Variants in ACACA observed in about 807,000 individuals in gnomAD.
ACACA encodes acetyl-CoA carboxylase 1.
ACACA carries 103 observed loss-of-function variants against 296.1 expected under a neutral mutation model. The observed-to-expected ratio is 0.35, with a 90% CI of 0.30 to 0.41. ACACA has a LOEUF of 0.41. Ranked by LOEUF, ACACA falls within the 10% of genes least tolerant of loss-of-function variation. The pLI is 1.00. For synonymous variants in ACACA, 953 were observed against 1,038.6 expected (o/e 0.92, Z 1.58); for missense variants, 1,554 against 2,989.7 (o/e 0.52, Z 11.20).
intron 1 of ACACA, among the ~76,000 whole-genome samples, chr17:37,384,768 T>A (rs2050454628): frequency 6.6e-6 from 1 of 152,218 alleles, no homozygotes; most frequent in Non-Finnish European, 1.5e-5. Context: ...CTGATTAAAC[T>A]GGAATCGGGG....
intron 3 of ACACA, among the ~76,000 whole-genome samples, chr17:37,305,957 G>A (rs2083865782): frequency 6.9e-6 from 1 of 144,884 alleles, no homozygotes; most frequent in Non-Finnish European, 1.5e-5. Context: ...CGCCCGGGCT[G>A]GAGTGCAGTG....
chr17:37,166,041 G>A (rs781406071), intron 41 of ACACA, among the ~76,000 whole-genome samples: 3 of 152,134 alleles, frequency 2.0e-5, no homozygotes, highest in Admixed American at 6.5e-5. Flanking sequence ...CATCTTGAAC[G>A]ATTATAGCAT....
intron 38 of ACACA, 101 bp from the exon 39 acceptor site, chr17:37,188,581 G>C: frequency 7.9e-7 from 1 of 1,271,520 alleles, no homozygotes; most frequent in Non-Finnish European, 1.1e-6. Context: ...AAAAAAAAAA[G>C]AGGTTGGTTT....
At chr17:37,234,167 C>T (rs2079997995) in intron 25 of ACACA, among the ~76,000 whole-genome samples, 1 of 152,154 alleles carries the variant, frequency 6.6e-6, no homozygotes, top group African/African-American at 2.4e-5. Context: ...TGAAAAGGCA[C>T]TACAGTCCCC....
chr17:37,085,460 A>C lies in ACACA; in HGVS notation c.*1856T>G. 2.5e-6 allele frequency: 1 copy of C among 397,356 alleles called. No individual in the cohort carries two copies. Among genetic ancestry groups the C allele is most frequent in the Non-Finnish European group, 4.4e-6 (1 of 225,790 alleles). 24.6% of individuals were successfully genotyped at this position (397,356 alleles called of 1,614,324 possible). Reference sequence around the variant, plus strand: ...GCAGGACTTCATACCACTTGTAGATATGTGGGATTTGATTTATTGCAAAAA... The same window carrying C: ...GCAGGACTTCATACCACTTGTAGATCTGTGGGATTTGATTTATTGCAAAAA... On this transcript the variant is annotated 3_prime_UTR_variant, in exon 56 of 56. Coordinates refer to ENST00000616317, the MANE Select transcript of ACACA (RefSeq NM_198834.3).
At chr17:37,365,479 G>A (rs780830357) in intron 1 of ACACA, 35 of 985,282 alleles carry the variant, frequency 3.6e-5, no homozygotes, top group African/African-American at 5.2e-5. Context: ...CTGCTTATCC[G>A]TCTTCACGTT....
At chr17:37,255,198 G>T (rs908711144) in intron 14 of ACACA, among the ~76,000 whole-genome samples, 1 of 152,072 alleles carries the variant, frequency 6.6e-6, no homozygotes, top group Non-Finnish European at 1.5e-5. Flanking sequence ...TTCAACCAAC[G>T]TTTACTGAAT....
chr17:37,227,124 G>C (rs1276754455), intron 25 of ACACA, among the ~76,000 whole-genome samples: 1 of 151,960 alleles, frequency 6.6e-6, no homozygotes, highest in African/African-American at 2.4e-5. Context: ...TAGAATCCAT[G>C]GTTTATTCAG....
intron 1 of ACACA, among the ~76,000 whole-genome samples, chr17:37,372,544 A>G (rs1460735235): frequency 1.3e-5 from 2 of 152,082 alleles, no homozygotes; most frequent in Non-Finnish European, 2.9e-5. Context: ...AAGACAAGTG[A>G]CCTGTTCAAA....
At chr17:37,303,841 G>T (rs1056910975) in intron 3 of ACACA, among the ~76,000 whole-genome samples, 1 of 152,186 alleles carries the variant, frequency 6.6e-6, no homozygotes, top group African/African-American at 2.4e-5. Context: ...CTGGGCAACA[G>T]AGCGAGACTC....
At chr17:37,383,509 A>G (rs2050394338) in intron 1 of ACACA, among the ~76,000 whole-genome samples, 1 of 152,250 alleles carries the variant, frequency 6.6e-6, no homozygotes, top group Non-Finnish European at 1.5e-5. Flanking sequence ...ATCATCACTC[A>G]TGATACATTT....
At chr17:37,092,810 G>A (rs1354156885) in intron 54 of ACACA, among the ~76,000 whole-genome samples, 1 of 152,208 alleles carries the variant, frequency 6.6e-6, no homozygotes, top group Non-Finnish European at 1.5e-5. Context: ...AGCCTGATGG[G>A]TGTAGGGATG....
chr17:37,319,043 T>C (rs1452745832), intron 3 of ACACA, among the ~76,000 whole-genome samples: 6 of 152,206 alleles, frequency 3.9e-5, no homozygotes, highest in Admixed American at 2.6e-4. Flanking sequence ...TATTTTTCCT[T>C]CTGTTTCTCT....
chr17:37,301,325 A>G (rs1265570346), intron 3 of ACACA: 2 of 970,538 alleles, frequency 2.1e-6, no homozygotes, highest in Non-Finnish European at 2.4e-6. Context: ...ATTTCTCCAA[A>G]TTTAAAGCAT....
intron 1 of ACACA, among the ~76,000 whole-genome samples, chr17:37,391,224 C>T (rs550444117): frequency 1.3e-5 from 2 of 151,916 alleles, no homozygotes; most frequent in Non-Finnish European, 2.9e-5. Flanking sequence ...GGTGACAGAG[C>T]GAGACTCTGT....
chr17:37,201,749 T>C (rs1479150425), intron 33 of ACACA, among the ~76,000 whole-genome samples: 4 of 152,182 alleles, frequency 2.6e-5, no homozygotes, highest in African/African-American at 9.7e-5. Context: ...CATTTCTTGC[T>C]ATAACTCCAA....
chr17:37,147,309 A>G (rs1405276795), intron 45 of ACACA, among the ~76,000 whole-genome samples: 2 of 152,188 alleles, frequency 1.3e-5, no homozygotes, highest in Non-Finnish European at 2.9e-5. Context: ...GGCGGCACAC[A>G]GACAGAGAAA....
At position 37,248,111 on chromosome 17, in the gene ACACA, A is replaced by G. The variant is rs1190148181; in HGVS notation, c.2209T>C (p.Ser737Pro). 1.9e-6 allele frequency: 3 copies of G among 1,614,078 alleles called. No homozygotes were observed. The highest frequency in any genetic ancestry group is 1.7e-5 in the Admixed American group (1 of 59,996). ...CGATGTACATCTACTTCTACACATG[A>G]GCCATTCATGATCACCACATAGGAG... ...PNSYVVIMNG[S>P]CVEVDVHRLS... Residue 737 changes from serine (S) to proline (P), a missense_variant, in exon 18 of 56, where the codon TCA becomes CCA. Around this residue, in one of 16 missense-constraint regions of ACACA, gnomAD observed 316 missense variants for 540.9 expected, o/e 0.58. Transcript: ENST00000616317.
chr17:37,275,771 A>G (rs2082262464), intron 8 of ACACA, among the ~76,000 whole-genome samples, 180 bp downstream of exon 8: 1 of 152,200 alleles, frequency 6.6e-6, no homozygotes, highest in African/African-American at 2.4e-5. Context: ...CTGGAACTAA[A>G]TTTATATTAC....
Sources: allele counts gnomAD v4.1 joint callset (sites outside exome capture counted in the v4.1 genomes callset), GRCh38; gene constraint gnomAD v4.1.1; regional missense constraint gnomAD v4.1.1; transcripts MANE v1.5; gene names NCBI Gene and HGNC (gene_info 2026-07-23, HGNC 2026-07-21).